The following TULP4 variants were observed in gnomAD, a reference collection of about 807,000 sequenced individuals.
TULP4 encodes the protein TUB like protein 4, also known as tubby-related protein 4.
TULP4 carries 16 observed loss-of-function variants against 129.0 expected under a neutral mutation model. The observed-to-expected ratio is 0.12, with a 90% CI of 0.08 to 0.19. The LOEUF (loss-of-function observed/expected upper bound fraction) is 0.19. TULP4 is among the 10% of genes least tolerant of loss of function. The pLI, the probability that TULP4 is intolerant of heterozygous loss-of-function variation, is 1.00. For synonymous variants in TULP4, 998 were observed against 854.0 expected (o/e 1.17, Z -2.94); for missense variants, 1,842 against 2,059.1 (o/e 0.89, Z 2.04).
intron 4 of TULP4, among the ~76,000 whole-genome samples, chr6:158,450,590 A>G (rs1360288828): frequency 6.6e-6 from 1 of 152,136 alleles, no homozygotes; most frequent in Non-Finnish European, 1.5e-5. Context: ...GGAATTAACC[A>G]TCCCCTTTCC....
chr6:158,251,520 T>G (rs1032427194), intron 1 of TULP4, among the ~76,000 whole-genome samples: 2 of 152,250 alleles, frequency 1.3e-5, no homozygotes, highest in African/African-American at 2.4e-5. Flanking sequence ...AATTCTCTGG[T>G]CTCTTTGTAC....
chr6:158,232,632 G>T (rs900586780), intron 1 of TULP4, among the ~76,000 whole-genome samples: 15 of 152,188 alleles, frequency 9.9e-5, no homozygotes, highest in Non-Finnish European at 2.2e-4. Context: ...TGGTGTGTGT[G>T]TGAGATCGGG....
intron 3 of TULP4, among the ~76,000 whole-genome samples, chr6:158,446,983 T>C (rs1356875519): frequency 2.0e-5 from 3 of 152,160 alleles, no homozygotes; most frequent in Non-Finnish European, 4.4e-5. Flanking sequence ...GGCGGGGAGC[T>C]CATAAACATT....
chr6:158,392,790 A>ATTTTT (rs1554286987), intron 1 of TULP4, among the ~76,000 whole-genome samples: 18 of 38,612 alleles, frequency 4.7e-4, no homozygotes, highest in Non-Finnish European at 5.7e-4. Flanking sequence ...TTAAATTTGT[A>ATTTTT]TTTCTTTTTT....
At chr6:158,309,436 G>A (rs376591193), upstream of TULP4, among the ~76,000 whole-genome samples, 14 of 137,976 alleles carry the variant, frequency 1.0e-4, no homozygotes, top group Admixed American at 7.9e-4. Flanking sequence ...GGCTCCTCAC[G>A]TCCCAGACGA....
At chr6:158,425,288 C>G (rs1158329460) in intron 2 of TULP4, among the ~76,000 whole-genome samples, 1 of 151,208 alleles carries the variant, frequency 6.6e-6, no homozygotes, top group Non-Finnish European at 1.5e-5. Flanking sequence ...CCGAGGAGGG[C>G]CGATCACCTG....
At position 158,347,369 on chromosome 6, in the gene TULP4, A is replaced by T. The variant is rs374670200; in HGVS notation, c.252+33101A>T. Among the ~76,000 whole-genome samples, 14 of 152,322 alleles carry T rather than the reference A, an allele frequency of 9.2e-5. No homozygotes were observed. The South Asian group carries it at 2.9e-3, about 32-fold the overall frequency. ...ATATATACATGTTTCTAAGGCAATC[A>T]CTTCCTACCATTCTACTGCTAAGCC... On this transcript the variant is annotated intron_variant, in intron 1 of 13. Coordinates refer to ENST00000367097, the MANE Select transcript of TULP4 (RefSeq NM_020245.5).
At chr6:158,357,745 G>A (rs538120701) in intron 1 of TULP4, among the ~76,000 whole-genome samples, 1 of 152,338 alleles carries the variant, frequency 6.6e-6, no homozygotes, top group Admixed American at 6.5e-5. Context: ...GCCCTCTCCA[G>A]TCACTCTGGT....
chr6:158,486,725 T>A (rs1477745616), intron 8 of TULP4, among the ~76,000 whole-genome samples: 6 of 152,194 alleles, frequency 3.9e-5, no homozygotes, highest in Admixed American at 6.5e-5. Flanking sequence ...CACCCAAGTC[T>A]GTGGTATTTT....
chr6:158,501,542 C>G, intron 12 of TULP4, 136 bp from the exon 13 acceptor site: 1 of 870,234 alleles, frequency 1.1e-6, no homozygotes. Flanking sequence ...TTTCCCCAAG[C>G]AGACACGTCT....
chr6:158,331,776 TATAC>T (rs1779898080), intron 1 of TULP4, among the ~76,000 whole-genome samples: 1 of 58,854 alleles, frequency 1.7e-5, no homozygotes, highest in Non-Finnish European at 3.5e-5. Flanking sequence ...TACACGTATA[TATAC>T]ACACACACAT....
chr6:158,305,159 A>C (rs1338593406), intron 1 of TULP4, among the ~76,000 whole-genome samples: 1 of 151,916 alleles, frequency 6.6e-6, no homozygotes, highest in East Asian at 1.9e-4. Flanking sequence ...TATGAATCCT[A>C]CTGCTATCTA....
intron 6 of TULP4, among the ~76,000 whole-genome samples, chr6:158,467,301 CAG>C (rs1462426090): frequency 7.4e-6 from 1 of 134,982 alleles, no homozygotes; most frequent in South Asian, 2.3e-4. Flanking sequence ...TTTTTTTGGA[CAG>C]AGTTTCGCTC....
chr6:158,233,855 C>T (rs897959875), intron 1 of TULP4, among the ~76,000 whole-genome samples: 5 of 152,090 alleles, frequency 3.3e-5, no homozygotes, highest in African/African-American at 9.7e-5. Context: ...ATGTGGATTT[C>T]CTTTAAGAAT....
chr6:158,491,373 T>C (rs1780193279), intron 9 of TULP4, among the ~76,000 whole-genome samples: 1 of 152,134 alleles, frequency 6.6e-6, no homozygotes, highest in Admixed American at 6.5e-5. Flanking sequence ...ATTGGGTTGT[T>C]TTATTGAGTT....
chr6:158,508,122 A>C lies in TULP4; in HGVS notation c.*1428A>C, dbSNP rs1780645582. ...ACCTGTGGGCAGTATTCAAGCCCTG[A>C]TGACAAAACCCAGTGTTTTTTGTTG... On this transcript the variant is annotated 3_prime_UTR_variant, in exon 14 of 14. Coordinates refer to ENST00000367097, the MANE Select transcript of TULP4 (RefSeq NM_020245.5). The C allele has an allele frequency of 6.6e-6, 1 of 152,122 alleles. No individual in the cohort carries two copies. Among genetic ancestry groups the C allele is most frequent in the Non-Finnish European group, 1.5e-5 (1 of 68,032 alleles). 9.4% of individuals were successfully genotyped at this position (152,122 alleles called of 1,614,324 possible).
At position 158,313,450 on chromosome 6, in the gene TULP4, C is replaced by G. The variant is rs1208085402; in HGVS notation, c.-567C>G. ...TTCAGCTTTAGCAGCAGAAATTTGT[C>G]TAGTTCAGGAAACATGCTAGAGGGT... On this transcript the variant is annotated 5_prime_UTR_variant, in exon 1 of 14. Coordinates refer to ENST00000367097, the MANE Select transcript of TULP4 (RefSeq NM_020245.5). 5.0e-6 allele frequency: 2 copies of G among 399,036 alleles called. No individual in the cohort carries two copies. The highest frequency in any genetic ancestry group is 4.4e-5 in the Admixed American group (1 of 22,790). The allele number at this position is 399,036 out of a possible 1,614,324, so 24.7% of individuals were successfully genotyped here.
intron 9 of TULP4, among the ~76,000 whole-genome samples, chr6:158,490,826 T>C (rs1780182845): frequency 6.6e-6 from 1 of 151,474 alleles, no homozygotes; most frequent in Non-Finnish European, 1.5e-5. Flanking sequence ...ATTTTGAGAG[T>C]CATCATGTTG....
intron 1 of TULP4, among the ~76,000 whole-genome samples, chr6:158,258,689 A>T (rs755347192): frequency 2.6e-5 from 4 of 152,240 alleles, no homozygotes; most frequent in Admixed American, 2.6e-4. Context: ...CAAATAAAAA[A>T]CTAAATTAAA....
Sources: allele counts gnomAD v4.1 joint callset (sites outside exome capture counted in the v4.1 genomes callset), GRCh38; gene constraint gnomAD v4.1.1; transcripts MANE v1.5; gene names NCBI Gene and HGNC (gene_info 2026-07-23, HGNC 2026-07-21).